KIAA2012: variants seen among roughly 807,000 people sequenced by gnomAD.
KIAA2012 encodes the protein KIAA2012, also known as uncharacterized protein KIAA2012.
Under a neutral mutation model 150.6 loss-of-function variants are expected in KIAA2012, and 125 were observed. The observed-to-expected ratio is 0.83, with a 90% confidence interval of 0.72 to 0.96. The LOEUF (loss-of-function observed/expected upper bound fraction) is 0.96. Among genes scored for constraint, KIAA2012 ranks in the 40% least tolerant of loss-of-function variants. The pLI is 0.00. For missense variants in KIAA2012, 1,219 were observed against 1,354.9 expected, an observed-to-expected ratio of 0.90 and a Z score of 1.57; for synonymous variants, 462 against 504.7, an observed-to-expected ratio of 0.92 and a Z score of 1.13.
At position 202,099,781 on chromosome 2, in the gene KIAA2012, A is replaced by G. The variant is rs776762095; in HGVS notation, c.997A>G (p.Lys333Glu). The G allele has an allele frequency of 1.9e-5, 29 of 1,549,492 alleles. 1 individual carries two copies. The South Asian group carries it at 3.5e-4, about 18-fold the overall frequency. Residue 333 changes from lysine (K) to glutamate (E), a missense_variant, in exon 6 of 24, where the codon AAG becomes GAG. Lys to Glu is a moderately conservative substitution (Grantham distance 56). Coordinates refer to ENST00000498697, the MANE Select transcript of KIAA2012 (RefSeq NM_001277372.4). ...CTGTGGAGGCGCCTTCCCTAATAGG[A>G]AGGCAGATCTCAGCGGTAAGAACTC... Reference protein sequence around the residue: ...TFCGGAFPNRKADLSDKQRNV... With the variant: ...TFCGGAFPNREADLSDKQRNV...
chr2:202,092,723 G>C (rs551284915), intron 3 of KIAA2012, among the ~76,000 whole-genome samples: 1 of 152,024 alleles, frequency 6.6e-6, no homozygotes, highest in African/African-American at 2.4e-5. Context: ...CTCCTCCTGA[G>C]GCAGGAGGAG....
rs115425776 is a variant in KIAA2012, at chr2:202,142,523, G to A, written c.1908+4015G>A. On this transcript the variant is annotated intron_variant, in intron 13 of 23. Coordinates refer to ENST00000498697, the MANE Select transcript of KIAA2012 (RefSeq NM_001277372.4). ...GTTTAGAATCTTGTGGCCTCCAGCCGCATGACTCCTAAACCATAATTTCTA... is the reference window on the plus strand; with the variant it reads ...GTTTAGAATCTTGTGGCCTCCAGCCACATGACTCCTAAACCATAATTTCTA... Among the ~76,000 whole-genome samples, 468 of 152,314 alleles carry A rather than the reference G, an allele frequency of 3.1e-3. 3 individuals are homozygous for A. Among genetic ancestry groups the A allele is most frequent in the African/African-American group, 9.6e-3 (399 of 41,560 alleles).
intron 7 of KIAA2012, among the ~76,000 whole-genome samples, chr2:202,101,605 T>C (rs533795304): frequency 6.6e-6 from 1 of 152,344 alleles, no homozygotes; most frequent in South Asian, 2.1e-4. Context: ...GATAAAGAAA[T>C]TAAGTCTTGG....
intron 2 of KIAA2012, among the ~76,000 whole-genome samples, chr2:202,088,061 T>C (rs1689618447): frequency 6.6e-6 from 1 of 152,080 alleles, no homozygotes; most frequent in African/African-American, 2.4e-5. Context: ...GTATTATAAG[T>C]TGCTAGAAAC....
intron 9 of KIAA2012, among the ~76,000 whole-genome samples, chr2:202,106,281 A>G (rs1253398512): frequency 6.6e-6 from 1 of 152,240 alleles, no homozygotes; most frequent in African/African-American, 2.4e-5. Flanking sequence ...GATGTAGAAA[A>G]GCGTCAAACT....
At chr2:202,196,196 T>TC (rs1004112584) in intron 21 of KIAA2012, among the ~76,000 whole-genome samples, 4 of 129,078 alleles carry the variant, frequency 3.1e-5, no homozygotes, top group African/African-American at 1.2e-4. Context: ...CTTTTTTTTT[T>TC]TTTTTTTTTT....
chr2:202,172,481 T>C (rs1194635533), intron 15 of KIAA2012, among the ~76,000 whole-genome samples: 2 of 152,216 alleles, frequency 1.3e-5, no homozygotes, highest in Non-Finnish European at 2.9e-5. Context: ...TTCTTTTATA[T>C]TATGGATGAA....
At chr2:202,089,892 A>C (rs572233381) in intron 2 of KIAA2012, among the ~76,000 whole-genome samples, 5 of 152,336 alleles carry the variant, frequency 3.3e-5, no homozygotes, top group African/African-American at 1.2e-4. Flanking sequence ...TGAACATCTA[A>C]ATATTCTGTG....
intron 2 of KIAA2012, among the ~76,000 whole-genome samples, chr2:202,078,012 G>A (rs1689362151): frequency 6.6e-6 from 1 of 152,136 alleles, no homozygotes. Context: ...CATTTCTGGA[G>A]GGCAATTTGG....
At chr2:202,196,702 G>A (rs1692421574) in intron 21 of KIAA2012, 98 bp from the exon 22 acceptor site, 5 of 1,463,934 alleles carry the variant, frequency 3.4e-6, no homozygotes, top group East Asian at 2.5e-5. Flanking sequence ...AATTTCTCAC[G>A]GGGAGTCCTT....
intron 7 of KIAA2012, 117 bp downstream of exon 7, chr2:202,100,566 CCT>C: frequency 8.3e-7 from 1 of 1,203,280 alleles, no homozygotes. Flanking sequence ...AGAGAACTGG[CCT>C]CTCTAGCGTC....
intron 14 of KIAA2012, among the ~76,000 whole-genome samples, chr2:202,159,799 A>G (rs1691610713): frequency 6.6e-6 from 1 of 152,174 alleles, no homozygotes; most frequent in Non-Finnish European, 1.5e-5. Context: ...CTGAGATCGC[A>G]CAACTGCACT....
At chr2:202,133,582 C>A (rs1157045973) in intron 12 of KIAA2012, among the ~76,000 whole-genome samples, 1 of 152,138 alleles carries the variant, frequency 6.6e-6, no homozygotes, top group Non-Finnish European at 1.5e-5. Flanking sequence ...TTCAGACTGA[C>A]TCATATTTTC....
At chr2:202,133,109 A>AAATATATATATATAT (rs766606713) in intron 12 of KIAA2012, among the ~76,000 whole-genome samples, 3 of 87,882 alleles carry the variant, frequency 3.4e-5, no homozygotes, top group African/African-American at 1.4e-4. Flanking sequence ...TCTAAAAAAA[A>AAATATATATATATAT]ATATATATAT....
intron 10 of KIAA2012, among the ~76,000 whole-genome samples, chr2:202,110,651 A>G (rs754885950): frequency 2.0e-5 from 3 of 152,170 alleles, no homozygotes; most frequent in Non-Finnish European, 2.9e-5. Flanking sequence ...GGCTGTGAGA[A>G]GCTCACACTT....
At chr2:202,120,139 T>C (rs188403309) in intron 11 of KIAA2012, among the ~76,000 whole-genome samples, 100 of 152,328 alleles carry the variant, frequency 6.6e-4, no homozygotes, top group African/African-American at 2.4e-3. Flanking sequence ...AATTGCCTAG[T>C]TCCAGTTATG....
At chr2:202,142,980 A>C (rs1691222264) in intron 13 of KIAA2012, among the ~76,000 whole-genome samples, 2 of 150,860 alleles carry the variant, frequency 1.3e-5, no homozygotes, top group South Asian at 4.2e-4. Flanking sequence ...CCAGTAGCAC[A>C]ACCCTCCCCA....
intron 2 of KIAA2012, among the ~76,000 whole-genome samples, chr2:202,086,854 A>T (rs144238148): frequency 6.6e-6 from 1 of 152,098 alleles, no homozygotes; most frequent in African/African-American, 2.4e-5. Flanking sequence ...ATGTGATTTT[A>T]TTAGTTATCA....
intron 13 of KIAA2012, among the ~76,000 whole-genome samples, chr2:202,145,751 C>T (rs979073212): frequency 2.3e-5 from 3 of 129,332 alleles, no homozygotes; most frequent in Non-Finnish European, 4.6e-5. Context: ...GTGGTACAGT[C>T]TCGGCCCACT....
Sources: gnomAD v4.1 joint callset for allele counts (sites outside exome capture counted in the v4.1 genomes callset) on GRCh38, gnomAD v4.1.1 for gene constraint, MANE v1.5 for transcripts, NCBI Gene and HGNC (gene_info 2026-07-23, HGNC 2026-07-21) for gene names.